Variants in OLA1 observed in about 807,000 individuals in gnomAD.
The protein encoded by OLA1 is Obg like ATPase 1.
In OLA1, 14 loss-of-function variants were observed where a neutral mutation model predicts 48.4. The observed-to-expected ratio is 0.29, with a 90% confidence interval of 0.19 to 0.45. The LOEUF (loss-of-function observed/expected upper bound fraction) is 0.45. Ranked by LOEUF, OLA1 falls within the 20% of genes least tolerant of loss-of-function variation. The probability of loss-of-function intolerance (pLI) is 1.00; values close to 1 mark genes in which losing one functional copy is unlikely to be tolerated. For missense variants in OLA1, 325 were observed against 467.1 expected, an observed-to-expected ratio of 0.70 and a Z score of 2.80; for synonymous variants, 127 against 150.4, an observed-to-expected ratio of 0.84 and a Z score of 1.14.
intron 4 of OLA1, among the ~76,000 whole-genome samples, chr2:174,144,951 A>ATATAT (rs1553483449): frequency 2.5e-4 from 10 of 40,290 alleles, no homozygotes; most frequent in East Asian, 3.9e-3. Context: ...AAAAAAAAAA[A>ATATAT]ATATATATAT....
intron 4 of OLA1, among the ~76,000 whole-genome samples, chr2:174,150,143 T>A (rs1686710033): frequency 6.6e-6 from 1 of 152,222 alleles, no homozygotes; most frequent in African/African-American, 2.4e-5. Context: ...AGAAGTGGGA[T>A]CTCTGGGAAG....
chr2:174,098,289 C>G (rs1281425451), intron 7 of OLA1, among the ~76,000 whole-genome samples: 1 of 152,188 alleles, frequency 6.6e-6, no homozygotes, highest in African/African-American at 2.4e-5. Flanking sequence ...AAACTTTCAG[C>G]TGCTTCTGAA....
chr2:174,185,761 C>A (rs1432827909), intron 4 of OLA1, among the ~76,000 whole-genome samples: 1 of 152,068 alleles, frequency 6.6e-6, no homozygotes, highest in African/African-American at 2.4e-5. Context: ...AACCTCGTTT[C>A]TACTAAAAAT....
At chr2:174,205,081 A>C (rs1165515775) in intron 4 of OLA1, among the ~76,000 whole-genome samples, 1 of 152,210 alleles carries the variant, frequency 6.6e-6, no homozygotes, top group East Asian at 1.9e-4. Flanking sequence ...CTACATTTAA[A>C]TTATCGCATA....
Position 174,223,100 on chromosome 2 carries a change from A to G in OLA1, c.306T>C (p.Asn102=), listed in dbSNP as rs565662991. The G allele has an allele frequency of 5.0e-6, 8 of 1,614,006 alleles. No homozygotes were observed. The Admixed American group carries it at 6.7e-5, about 13-fold the overall frequency. ...DIAGLVKGAH[N]GQGLGNAFLS... ...AAAAAGCATTCCCCAGGCCCTGCCCATTGTGAGCTCCTTTCACAAGGCCAG... is the reference window on the plus strand; with the variant it reads ...AAAAAGCATTCCCCAGGCCCTGCCCGTTGTGAGCTCCTTTCACAAGGCCAG... The change falls in exon 4 of 11, where the codon AAT becomes AAC. Residue 102 remains asparagine, a synonymous_variant. Coordinates refer to ENST00000284719, the MANE Select transcript of OLA1 (RefSeq NM_013341.5).
chr2:174,228,879 A>T (rs1688668853), intron 3 of OLA1, among the ~76,000 whole-genome samples: 1 of 152,092 alleles, frequency 6.6e-6, no homozygotes, highest in Non-Finnish European at 1.5e-5. Context: ...CATACTCTGC[A>T]TTACTTTTTT....
intron 4 of OLA1, among the ~76,000 whole-genome samples, chr2:174,215,288 G>A (rs906126443): frequency 2.6e-5 from 4 of 152,016 alleles, no homozygotes; most frequent in Non-Finnish European, 4.4e-5. Context: ...AGAATGTTAC[G>A]TTACTGTATG....
chr2:174,176,515 C>A (rs1292213995), intron 4 of OLA1, among the ~76,000 whole-genome samples: 1 of 151,982 alleles, frequency 6.6e-6, no homozygotes, highest in Non-Finnish European at 1.5e-5. Context: ...TGAGGGGAAC[C>A]AATTTGCTAT....
At chr2:174,163,774 ATAAAT>A (rs1687089965) in intron 4 of OLA1, among the ~76,000 whole-genome samples, 1 of 39,164 alleles carries the variant, frequency 2.6e-5, no homozygotes, top group Non-Finnish European at 4.1e-5. Context: ...ATATATATAT[ATAAAT>A]AAATGTTTGG....
intron 4 of OLA1, among the ~76,000 whole-genome samples, chr2:174,189,179 T>C (rs1232199942): frequency 6.6e-6 from 1 of 152,012 alleles, no homozygotes; most frequent in Non-Finnish European, 1.5e-5. Flanking sequence ...TAGGTCTCAG[T>C]GCATATAAAC....
At chr2:174,094,403 A>AC (rs1193268825) in intron 7 of OLA1, among the ~76,000 whole-genome samples, 1 of 152,088 alleles carries the variant, frequency 6.6e-6, no homozygotes, top group Admixed American at 6.6e-5. Flanking sequence ...AAAATCCCGG[A>AC]TTTTTTCCCC....
At chr2:174,200,815 G>A (rs1230170476) in intron 4 of OLA1, among the ~76,000 whole-genome samples, 1 of 152,018 alleles carries the variant, frequency 6.6e-6, no homozygotes, top group Non-Finnish European at 1.5e-5. Flanking sequence ...GCTTAAGACA[G>A]TAAAGCATTT....
At chr2:174,079,142 T>C (rs1242899913) in intron 9 of OLA1, 52 bp from the exon 10 acceptor site, 3 of 1,520,096 alleles carry the variant, frequency 2.0e-6, no homozygotes, top group African/African-American at 1.4e-5. Flanking sequence ...TGACTGATTG[T>C]AAGCACAGAG....
At chr2:174,187,143 T>A (rs1574537319) in intron 4 of OLA1, among the ~76,000 whole-genome samples, 2 of 152,206 alleles carry the variant, frequency 1.3e-5, no homozygotes, top group Non-Finnish European at 2.9e-5. Context: ...TAAGACACTC[T>A]ATTCAATTTT....
intron 4 of OLA1, among the ~76,000 whole-genome samples, chr2:174,148,285 G>T (rs7581106): frequency 6.6e-6 from 1 of 151,928 alleles, no homozygotes; most frequent in East Asian, 1.9e-4. Flanking sequence ...CTACTTGGGG[G>T]TGCTGAGGCA....
intron 4 of OLA1, among the ~76,000 whole-genome samples, chr2:174,204,103 T>C (rs961100750): frequency 2.0e-5 from 3 of 151,388 alleles, no homozygotes; most frequent in Non-Finnish European, 4.4e-5. Flanking sequence ...AGTAATTATT[T>C]TTAAAAAGCA....
At chr2:174,247,779 AT>A (rs1280229960) in intron 1 of OLA1, 1 of 1,550,504 alleles carries the variant, frequency 6.4e-7, no homozygotes, top group African/African-American at 1.4e-5. Flanking sequence ...ACTATTTCTA[AT>A]GGTAAATTAA....
intron 4 of OLA1, among the ~76,000 whole-genome samples, chr2:174,174,035 C>CAAAAAAAAAAAAAAAAAAAAAAAAAA (rs112671944): frequency 1.5e-5 from 2 of 135,598 alleles, no homozygotes; most frequent in Non-Finnish European, 1.6e-5. Flanking sequence ...CACACACACA[C>CAAAAAAAAAAAAAAAAAAAAAAAAAA]AAAAAAAAAA....
intron 2 of OLA1, among the ~76,000 whole-genome samples, chr2:174,236,263 T>C (rs866333582): frequency 5.9e-5 from 9 of 151,906 alleles, no homozygotes; most frequent in Non-Finnish European, 1.2e-4. Flanking sequence ...TTAAAATAAA[T>C]GTTACAAATC....
Sources: gnomAD v4.1 joint callset for allele counts (sites outside exome capture counted in the v4.1 genomes callset) on GRCh38, gnomAD v4.1.1 for gene constraint, MANE v1.5 for transcripts, NCBI Gene and HGNC (gene_info 2026-07-23, HGNC 2026-07-21) for gene names.